The following HORMAD2 variants were observed in gnomAD, a reference collection of about 807,000 sequenced individuals.
The protein encoded by HORMAD2 is HORMA domain containing 2.
In HORMAD2, 45 loss-of-function variants were observed where a neutral mutation model predicts 38.8. The ratio of observed to expected loss-of-function variants is 1.16; its 90% confidence interval spans 0.91 to 1.49. HORMAD2 has a LOEUF of 1.49. Among genes scored for constraint, HORMAD2 ranks in the 40% most tolerant of loss-of-function variants. The pLI is 0.00. For synonymous variants in HORMAD2, 126 were observed against 122.8 expected, an observed-to-expected ratio of 1.03 and a Z score of -0.17; for missense variants, 338 against 367.0, an observed-to-expected ratio of 0.92 and a Z score of 0.65.
At chr22:30,201,655 A>T in the HORMAD2 span, among the ~76,000 whole-genome samples, 1 of 151,890 alleles carries the variant, frequency 6.6e-6, no homozygotes, top group Non-Finnish European at 1.5e-5. Flanking sequence ...TGACCTCATG[A>T]TCCGCCCGCC....
At chr22:30,201,604 G>A in the HORMAD2 span, among the ~76,000 whole-genome samples, 1 of 151,952 alleles carries the variant, frequency 6.6e-6, no homozygotes, top group African/African-American at 2.4e-5. Flanking sequence ...TTTTAGTAGA[G>A]ACGGGGTTTC....
At chr22:30,152,037 GCTTT>G (rs1433065660) in intron 10 of HORMAD2, among the ~76,000 whole-genome samples, 1 of 152,068 alleles carries the variant, frequency 6.6e-6, no homozygotes, top group African/African-American at 2.4e-5. Context: ...CTCACAAGAT[GCTTT>G]CTATTTGCTG....
chr22:30,139,272 A>AGAG lies in HORMAD2; in HGVS notation c.819+17058_819+17059insGAG, dbSNP rs1159523060. ...AACTGTACTATATATATATATATATATATATATATATATATCCTCTGTCTC... is the reference window on the plus strand; with the variant it reads ...AACTGTACTATATATATATATATATAGAGTATATATATATATATCCTCTGTCTC... On this transcript the variant is annotated intron_variant, in intron 10 of 10. Coordinates refer to ENST00000336726, the MANE Select transcript of HORMAD2 (RefSeq NM_152510.4). Among the ~76,000 whole-genome samples the AGAG allele has an allele frequency of 1.4e-3, 199 of 143,634 alleles. 3 individuals carry two copies. Among genetic ancestry groups the AGAG allele is most frequent in the African/African-American group, 4.8e-3 (188 of 39,002 alleles). The allele number at this position is 143,634 out of a possible 152,430, so 94.2% of individuals were successfully genotyped here.
intron 1 of HORMAD2, among the ~76,000 whole-genome samples, chr22:30,081,842 C>T (rs1424461650): frequency 6.6e-6 from 1 of 152,166 alleles, no homozygotes. Flanking sequence ...ACCTCGGCCT[C>T]CCAGAGTGCT....
intron 10 of HORMAD2, among the ~76,000 whole-genome samples, chr22:30,162,772 G>T (rs553075678): frequency 6.8e-6 from 1 of 147,876 alleles, no homozygotes; most frequent in Admixed American, 6.8e-5. Flanking sequence ...GCGCAATCTC[G>T]GCTCACTGCA....
At chr22:30,185,104 A>G in the HORMAD2 span, among the ~76,000 whole-genome samples, 27 of 152,040 alleles carry the variant, frequency 1.8e-4, no homozygotes, top group African/African-American at 6.3e-4. Context: ...ATGACAGTCT[A>G]CTCTAAATCT....
intron 2 of HORMAD2, among the ~76,000 whole-genome samples, chr22:30,096,034 A>G (rs1284168877): frequency 6.6e-6 from 1 of 152,128 alleles, no homozygotes; most frequent in Non-Finnish European, 1.5e-5. Context: ...AAATGAAATC[A>G]TATACTAATA....
intron 1 of HORMAD2, among the ~76,000 whole-genome samples, chr22:30,091,089 T>G (rs1296354540): frequency 6.6e-6 from 1 of 152,196 alleles, no homozygotes; most frequent in African/African-American, 2.4e-5. Context: ...TTTATCTTTC[T>G]GTACTTGACT....
chr22:30,173,827 A>G (rs1232340502), intron 10 of HORMAD2, among the ~76,000 whole-genome samples: 1 of 152,226 alleles, frequency 6.6e-6, no homozygotes, highest in African/African-American at 2.4e-5. Context: ...CATTCAAGTA[A>G]CAAGCATTTT....
At chr22:30,133,678 A>G (rs1045065452) in intron 10 of HORMAD2, among the ~76,000 whole-genome samples, 11 of 151,738 alleles carry the variant, frequency 7.2e-5, no homozygotes, top group Non-Finnish European at 1.3e-4. Flanking sequence ...GTCCGTACTG[A>G]ACATGTACAG....
intron 10 of HORMAD2, among the ~76,000 whole-genome samples, chr22:30,174,379 G>T (rs539958430): frequency 4.6e-5 from 7 of 152,214 alleles, no homozygotes; most frequent in African/African-American, 1.7e-4. Flanking sequence ...GGATAAATTT[G>T]TTGGTTTATA....
the HORMAD2 span, among the ~76,000 whole-genome samples, chr22:30,182,494 A>T: frequency 6.6e-6 from 1 of 152,182 alleles, no homozygotes. Flanking sequence ...TCTATCTCCT[A>T]AAAGCAAGCT....
intron 7 of HORMAD2, among the ~76,000 whole-genome samples, chr22:30,116,089 A>ATAT (rs151106308): frequency 0.016 from 2,435 of 152,242 alleles, 65 homozygotes; most frequent in African/African-American, 0.056. Context: ...CAGTGCCTGA[A>ATAT]TATTATTATT....
chr22:30,141,060 T>G (rs1053884644), intron 10 of HORMAD2, among the ~76,000 whole-genome samples: 2 of 151,808 alleles, frequency 1.3e-5, no homozygotes, highest in African/African-American at 4.8e-5. Flanking sequence ...TGCAGTGGAA[T>G]GACCTCGGCT....
intron 5 of HORMAD2, among the ~76,000 whole-genome samples, chr22:30,105,862 G>T (rs1921152062): frequency 6.6e-6 from 1 of 152,130 alleles, no homozygotes; most frequent in Non-Finnish European, 1.5e-5. Flanking sequence ...TCTCTTTTGG[G>T]ATCTCTCCAG....
At chr22:30,099,019 T>C (rs751092267) in intron 3 of HORMAD2, 26 bp downstream of exon 3, 1 of 1,596,008 alleles carries the variant, frequency 6.3e-7, no homozygotes, top group African/African-American at 1.3e-5. Flanking sequence ...CTAGTCTCTT[T>C]GGCTGTTGTA....
the HORMAD2 span, among the ~76,000 whole-genome samples, chr22:30,203,787 C>T: frequency 6.6e-6 from 1 of 152,182 alleles, no homozygotes; most frequent in Non-Finnish European, 1.5e-5. Context: ...TATAAGTGCA[C>T]GTGCATGCAT....
At chr22:30,111,705 CTG>C in intron 5 of HORMAD2, 89 bp from the exon 6 acceptor site, 1 of 1,092,562 alleles carries the variant, frequency 9.2e-7, no homozygotes, top group East Asian at 2.7e-5. Context: ...TCGAACCTCT[CTG>C]AAATAATATT....
intron 10 of HORMAD2, among the ~76,000 whole-genome samples, chr22:30,173,194 G>A (rs1210911843): frequency 6.6e-6 from 1 of 152,172 alleles, no homozygotes; most frequent in Non-Finnish European, 1.5e-5. Flanking sequence ...AATAGGCCAA[G>A]GCCATAAAGC....
Sources: allele counts gnomAD v4.1 joint callset (sites outside exome capture counted in the v4.1 genomes callset), GRCh38; gene constraint gnomAD v4.1.1; transcripts MANE v1.5; gene names NCBI Gene and HGNC (gene_info 2026-07-23, HGNC 2026-07-21).